Variants in COL4A2 observed in about 807,000 individuals in gnomAD.
COL4A2 encodes the protein collagen type IV alpha 2 chain.
COL4A2 carries 99 observed loss-of-function variants against 200.2 expected under a neutral mutation model. The ratio of observed to expected loss-of-function variants is 0.49; its 90% CI spans 0.42 to 0.58. The LOEUF (loss-of-function observed/expected upper bound fraction) is 0.58, where lower values mean the gene tolerates loss of function less well. Among genes scored for constraint, COL4A2 ranks in the 20% least tolerant of loss-of-function variants. The pLI, the probability that COL4A2 is intolerant of heterozygous loss-of-function variation, is 0.00. For missense variants in COL4A2, 1,950 were observed against 2,314.1 expected, an observed-to-expected ratio of 0.84 and a Z score of 3.23; for synonymous variants, 897 against 900.6, an observed-to-expected ratio of 1.00 and a Z score of 0.07.
At chr13:110,344,351 T>G (rs774146605) in intron 3 of COL4A2, among the ~76,000 whole-genome samples, 1 of 152,230 alleles carries the variant, frequency 6.6e-6, no homozygotes, top group Non-Finnish European at 1.5e-5. Context: ...TGGTCTTTTA[T>G]GCAGCCAATT....
At chr13:110,312,844 C>T (rs1279526083) in intron 3 of COL4A2, among the ~76,000 whole-genome samples, 1 of 152,186 alleles carries the variant, frequency 6.6e-6, no homozygotes, top group Non-Finnish European at 1.5e-5. Flanking sequence ...GACTTCAGGG[C>T]AAGACACTTT....
At position 110,506,626 on chromosome 13, in the gene COL4A2, C is replaced by A. The variant is rs1192249532; in HGVS notation, c.4594+20C>A. The stretch of plus-strand genomic sequence containing the variant: ...ACCTGGGTAGGTACCTCCCACCCGG[C>A]CCCCGTTGCCTGCTCAGGGCTGGCC... On this transcript the variant is annotated intron_variant, in intron 46 of 47. Transcript: ENST00000360467. 1.9e-6 allele frequency: 3 copies of A among 1,583,260 alleles called. No homozygotes were observed. The highest frequency in any genetic ancestry group is 3.6e-5 in the Admixed American group (2 of 55,932).
Position 110,394,366 on chromosome 13 carries a change from G to A in COL4A2, c.181-30368G>A, listed in dbSNP as rs112198155. 2.4e-3 allele frequency among the ~76,000 whole-genome samples: 373 copies of A among 152,296 alleles called. 2 individuals are homozygous for A. The highest frequency in any genetic ancestry group is 8.5e-3 in the African/African-American group (354 of 41,558). On this transcript the variant is annotated intron_variant, in intron 4 of 47. Transcript: ENST00000360467. ...TGTCCACTGTTTCTAACCTGGTTAGGCTGGTCAGCATTTGAACATGGAGGA... is the reference window on the plus strand; with the variant it reads ...TGTCCACTGTTTCTAACCTGGTTAGACTGGTCAGCATTTGAACATGGAGGA...
intron 4 of COL4A2, among the ~76,000 whole-genome samples, chr13:110,411,072 C>T (rs140347103): frequency 2.0e-4 from 31 of 152,282 alleles, no homozygotes; most frequent in African/African-American, 6.5e-4. Flanking sequence ...CTTCTACCAC[C>T]GTCTCCCACG....
At chr13:110,477,779 A>G (rs1007865339) in intron 29 of COL4A2, 14 of 402,826 alleles carry the variant, frequency 3.5e-5, no homozygotes, top group Non-Finnish European at 6.1e-5. Flanking sequence ...ATTTATAGGA[A>G]TAGACAAGGG....
intron 3 of COL4A2, among the ~76,000 whole-genome samples, chr13:110,345,704 G>A (rs934436465): frequency 2.6e-5 from 4 of 152,110 alleles, no homozygotes; most frequent in African/African-American, 4.8e-5. Context: ...AAACATGAAG[G>A]GTGGCCATCT....
At chr13:110,478,889 T>C (rs1374793362) in intron 30 of COL4A2, among the ~76,000 whole-genome samples, 2 of 152,244 alleles carry the variant, frequency 1.3e-5, no homozygotes, top group African/African-American at 4.8e-5. Context: ...CCATGGAAAC[T>C]CTCAATCTTA....
chr13:110,478,006 G>A lies in COL4A2; in HGVS notation c.2429G>A (p.Ser810Asn), dbSNP rs372516991. 1 of 1,563,364 alleles carries A rather than the reference G, an allele frequency of 6.4e-7. No homozygotes were observed. The highest frequency in any genetic ancestry group is 8.7e-7 in the Non-Finnish European group (1 of 1,151,932). ...GDRGPPGFRG[S>N]QGMPGMPGLK... ...CTCTTGTCTCTGATTCCTGCAGGAA[G>A]CCAAGGGATGCCTGGGATGCCAGGG... Residue 810 changes from serine (S) to asparagine (N), a missense_variant, in exon 30 of 48, where the codon AGC (serine) becomes AAC (asparagine). Around this residue, in one of 2 missense-constraint regions of COL4A2, gnomAD observed 1,385 missense variants for 1,720.5 expected, o/e 0.80. Transcript: ENST00000360467.
chr13:110,427,736 C>T (rs1456399801), intron 6 of COL4A2, among the ~76,000 whole-genome samples: 1 of 152,204 alleles, frequency 6.6e-6, no homozygotes, highest in African/African-American at 2.4e-5. Flanking sequence ...CAAATTTAGC[C>T]TGAGTCCCTC....
chr13:110,341,763 C>T (rs566748186), intron 3 of COL4A2, among the ~76,000 whole-genome samples: 5 of 152,324 alleles, frequency 3.3e-5, no homozygotes, highest in Non-Finnish European at 5.9e-5. Flanking sequence ...AGCTCTGTCT[C>T]GCTGCCAGAG....
chr13:110,307,739 G>C lies in COL4A2; in HGVS notation c.-44-121G>C. On this transcript the variant is annotated intron_variant, in intron 1 of 47. Transcript: ENST00000360467. The surrounding 1 kb of genome is among the most constrained non-coding windows in gnomAD (Gnocchi z 5.0). ...CGGGTCGTGGGGGGGACGGCCCTCC[G>C]GTCACCCCTGCATGCGGGCCGCGCA... is the stretch of plus-strand genomic sequence containing the variant. 3.3e-6 allele frequency: 3 copies of C among 921,906 alleles called. No individual in the cohort carries two copies. The highest frequency in any genetic ancestry group is 3.3e-5 in the African/African-American group (2 of 59,780). The allele number at this position is 921,906 out of a possible 1,614,324, so 57.1% of individuals were successfully genotyped here. A position where few individuals can be genotyped will look rare whatever the true frequency, so the allele number is the denominator to read the frequency against.
chr13:110,308,000 G>T lies in COL4A2; in HGVS notation c.44+53G>T. The stretch of plus-strand genomic sequence containing the variant: ...GGGTCACGCGCGCATGGACCCTTCG[G>T]TGTAACTCTCGGGGACTGACAAGCC... On this transcript the variant is annotated intron_variant, in intron 2 of 47. Transcript: ENST00000360467. The surrounding 1 kb of genome is among the most constrained non-coding windows in gnomAD (Gnocchi z 5.0). 1 of 1,611,506 alleles carries T rather than the reference G, an allele frequency of 6.2e-7. No individual in the cohort carries two copies. Among genetic ancestry groups the T allele is most frequent in the Non-Finnish European group, 8.5e-7 (1 of 1,178,530 alleles).
chr13:110,421,093 G>T (rs1416284238), intron 4 of COL4A2, among the ~76,000 whole-genome samples: 1 of 152,230 alleles, frequency 6.6e-6, no homozygotes, highest in African/African-American at 2.4e-5. Context: ...AAAATCACAG[G>T]TATTGGTGAG....
chr13:110,433,226 C>T (rs762520934), intron 11 of COL4A2, among the ~76,000 whole-genome samples: 16 of 152,218 alleles, frequency 1.1e-4, no homozygotes, highest in Admixed American at 5.2e-4. Context: ...TTGCGCTGGA[C>T]GCCCCACCGC....
chr13:110,357,330 A>G (rs536423992), intron 3 of COL4A2, 142 bp from the exon 4 acceptor site: 1 of 1,317,572 alleles, frequency 7.6e-7, no homozygotes, highest in Admixed American at 2.7e-5. Context: ...AAATTAGTCT[A>G]TTTTTTTAAA....
At chr13:110,511,894 CTG>C (rs779732900) in intron 47 of COL4A2, 38 bp from the exon 48 acceptor site, 281 of 1,612,336 alleles carry the variant, frequency 1.7e-4, no homozygotes, top group Non-Finnish European at 2.2e-4. Context: ...CACCTGCAGG[CTG>C]TGATTCCTAA....
intron 20 of COL4A2, chr13:110,456,500 ATGTTTCTCAAAAGGAATAAT>A: frequency 3.1e-6 from 1 of 326,436 alleles, no homozygotes; most frequent in East Asian, 8.6e-5. Flanking sequence ...TTTGGACTCA[ATGTTTCTCAAAAGGAATAAT>A]TGTTATCCCT....
At chr13:110,368,554 G>T (rs1008307450) in intron 4 of COL4A2, among the ~76,000 whole-genome samples, 1 of 152,102 alleles carries the variant, frequency 6.6e-6, no homozygotes, top group Non-Finnish European at 1.5e-5. Context: ...TTCCTTATCA[G>T]CTTCACCTCT....
At position 110,501,721 on chromosome 13, in the gene COL4A2, C is replaced by G. The variant is rs1369263668; in HGVS notation, c.3814C>G (p.Pro1272Ala). 3.1e-6 allele frequency: 5 copies of G among 1,613,750 alleles called. No individual in the cohort carries two copies. The East Asian group carries it at 1.1e-4, about 36-fold the overall frequency. Residue 1272 changes from proline to alanine, a missense_variant, in exon 41 of 48, where the codon CCC becomes GCC. Coordinates refer to ENST00000360467, the MANE Select transcript of COL4A2 (RefSeq NM_001846.4). ...ACTTCAGGGGTTCCCTGGTATCACA[C>G]CCCCTTCCAACATCTCTGGGGCACC... ...PGLQGFPGIT[P>A]PSNISGAPGD...
Sources: gnomAD v4.1 joint callset for allele counts (sites outside exome capture counted in the v4.1 genomes callset) on GRCh38, gnomAD v4.1.1 for gene constraint, gnomAD v4.1.1 regional missense constraint, Gnocchi (gnomAD v3.1) non-coding constraint, MANE v1.5 for transcripts, NCBI Gene and HGNC (gene_info 2026-07-23, HGNC 2026-07-21) for gene names.